CHODL: variants seen among roughly 807,000 people sequenced by gnomAD.
The protein encoded by CHODL is chondrolectin.
A neutral mutation model predicts 34.5 loss-of-function variants in CHODL; 29 were observed. That is an observed-to-expected ratio of 0.84 (90% confidence interval 0.63 to 1.15). CHODL has a LOEUF of 1.15. Among genes scored for constraint, CHODL ranks in the 50% most tolerant of loss-of-function variants. The pLI is 0.00. For synonymous variants in CHODL, 125 were observed against 116.1 expected, an observed-to-expected ratio of 1.08 and a Z score of -0.49; for missense variants, 332 against 332.5, an observed-to-expected ratio of 1.00 and a Z score of 0.01.
chr21:18,212,641 A>G (rs954746003), intron 2 of CHODL, among the ~76,000 whole-genome samples: 12 of 152,112 alleles, frequency 7.9e-5, no homozygotes, highest in Admixed American at 6.5e-5. Context: ...TTAAAAAGTA[A>G]ATTATAAAAA....
In CHODL at chr21:17,991,943, T is replaced by C. The variant is rs147926524; in HGVS notation, c.-144-35929T>C. On this transcript the variant is annotated intron_variant, in intron 1 of 6. Coordinates refer to the CHODL transcript ENST00000400127. ...TTTCCCCTATGTTTTCTTTTAGTAG[T>C]TTTATAGTTTCAGATCTTACATTTA... Among the ~76,000 whole-genome samples the C allele has an allele frequency of 3.8e-3, 585 of 152,266 alleles. 8 individuals carry two copies. Among genetic ancestry groups the C allele is most frequent in the African/African-American group, 0.014 (563 of 41,550 alleles).
At chr21:18,048,939 A>C (rs1410423994) in intron 2 of CHODL, among the ~76,000 whole-genome samples, 3 of 151,962 alleles carry the variant, frequency 2.0e-5, no homozygotes, top group Non-Finnish European at 4.4e-5. Flanking sequence ...TAAAAAAAAT[A>C]GAATTTTGGT....
chr21:17,919,784 T>G (rs9983882), intron 1 of CHODL, among the ~76,000 whole-genome samples: 8,970 of 152,290 alleles, frequency 0.059, 693 homozygotes, highest in African/African-American at 0.18. Flanking sequence ...ACTTTTATGC[T>G]GTTTCCCTTA....
intron 2 of CHODL, among the ~76,000 whole-genome samples, chr21:18,120,464 T>C (rs1169128329): frequency 6.6e-6 from 1 of 152,192 alleles, no homozygotes; most frequent in Admixed American, 6.5e-5. Context: ...ACCTCAGGCC[T>C]GTGAGCTGAA....
intron 1 of CHODL, among the ~76,000 whole-genome samples, chr21:18,250,897 G>A (rs1274336069): frequency 6.6e-6 from 1 of 151,352 alleles, no homozygotes; most frequent in African/African-American, 2.4e-5. Flanking sequence ...TGAACAGCAG[G>A]AATTTGTAAT....
At chr21:17,917,876 C>CATGTGTGTGT (rs1568796830) in intron 1 of CHODL, among the ~76,000 whole-genome samples, 1 of 150,706 alleles carries the variant, frequency 6.6e-6, no homozygotes, top group South Asian at 2.1e-4. Context: ...CTCTGATATG[C>CATGTGTGTGT]GTGTGTGTGT....
chr21:17,975,485 A>G (rs985830380), intron 1 of CHODL, among the ~76,000 whole-genome samples: 4 of 152,218 alleles, frequency 2.6e-5, no homozygotes, highest in African/African-American at 9.6e-5. Context: ...AAAATGTTTT[A>G]TAAAGCCTTG....
chr21:18,224,437 A>G (rs58978235), intron 2 of CHODL, among the ~76,000 whole-genome samples: 22,717 of 152,188 alleles, frequency 0.15, 2,119 homozygotes, highest in African/African-American at 0.26. Context: ...TATCATGTAA[A>G]GTGCTTAAAA....
At chr21:17,986,846 T>A (rs2063757437) in intron 1 of CHODL, among the ~76,000 whole-genome samples, 1 of 152,168 alleles carries the variant, frequency 6.6e-6, no homozygotes, top group Non-Finnish European at 1.5e-5. Flanking sequence ...CCATCTAGAT[T>A]GCTATGTAAG....
intron 2 of CHODL, among the ~76,000 whole-genome samples, chr21:18,060,449 C>CAAATAAATAAATAAAT (rs58886259): frequency 5.2e-4 from 77 of 149,144 alleles, no homozygotes; most frequent in African/African-American, 1.7e-3. Context: ...GACTCTGTCT[C>CAAATAAATAAATAAAT]AAATAAATAA....
intron 2 of CHODL, among the ~76,000 whole-genome samples, chr21:18,175,677 A>G (rs907897529): frequency 2.6e-5 from 4 of 152,220 alleles, no homozygotes; most frequent in African/African-American, 9.6e-5. Context: ...GTAACCAATA[A>G]ATGGAATACA....
chr21:18,133,953 T>A (rs780343004), intron 2 of CHODL, among the ~76,000 whole-genome samples: 1 of 152,216 alleles, frequency 6.6e-6, no homozygotes, highest in Non-Finnish European at 1.5e-5. Flanking sequence ...AGTTCCTGAA[T>A]ATATCTGTGT....
At chr21:18,032,923 C>T (rs185684124) in intron 2 of CHODL, among the ~76,000 whole-genome samples, 1 of 152,086 alleles carries the variant, frequency 6.6e-6, no homozygotes, top group Non-Finnish European at 1.5e-5. Flanking sequence ...TGTTAGTTTC[C>T]TTTTTAGTAT....
At chr21:17,991,569 T>C (rs2063797215) in intron 1 of CHODL, among the ~76,000 whole-genome samples, 1 of 152,112 alleles carries the variant, frequency 6.6e-6, no homozygotes, top group African/African-American at 2.4e-5. Flanking sequence ...ATTTTGAGCA[T>C]TTTTTAATAT....
At position 17,955,183 on chromosome 21, in the gene CHODL, C is replaced by T. The variant is rs561595749; in HGVS notation, c.-145+37783C>T. On this transcript the variant is annotated intron_variant, in intron 1 of 6. Transcript: ENST00000400127. ...GTTGACCAACTGAATAAAAATTCAG[C>T]CACCTTAAAAATGATAATTTCTTTT... Among the ~76,000 whole-genome samples the T allele has an allele frequency of 9.5e-5, 13 of 136,348 alleles. 1 individual carries two copies. The highest frequency in any genetic ancestry group is 2.5e-4 in the African/African-American group (10 of 40,050). The allele number at this position is 136,348 out of a possible 152,430, so 89.4% of individuals were successfully genotyped here. A position where few individuals can be genotyped will look rare whatever the true frequency, so the allele number is the denominator to read the frequency against.
chr21:18,113,517 T>C (rs2065376633), intron 2 of CHODL, among the ~76,000 whole-genome samples: 2 of 152,052 alleles, frequency 1.3e-5, no homozygotes, highest in South Asian at 2.1e-4. Flanking sequence ...CTTACAATCA[T>C]GGCAAAAGGT....
intron 2 of CHODL, among the ~76,000 whole-genome samples, chr21:18,199,597 C>A (rs1324574613): frequency 6.6e-6 from 1 of 152,022 alleles, no homozygotes; most frequent in Non-Finnish European, 1.5e-5. Flanking sequence ...AAAAAATCCC[C>A]TTTGTTCCAC....
intron 1 of CHODL, among the ~76,000 whole-genome samples, chr21:17,994,174 A>T (rs1425512411): frequency 6.6e-6 from 1 of 151,718 alleles, no homozygotes; most frequent in South Asian, 2.1e-4. Context: ...TTGTTTATCT[A>T]GTTCCTTGAG....
chr21:18,128,217 T>C (rs1291634587), intron 2 of CHODL, among the ~76,000 whole-genome samples: 10 of 141,844 alleles, frequency 7.1e-5, no homozygotes, highest in Middle Eastern at 3.4e-3. Context: ...AGGAGAATGG[T>C]GTGAACCTGG....
Sources: gnomAD v4.1 joint callset for allele counts (sites outside exome capture counted in the v4.1 genomes callset) on GRCh38, gnomAD v4.1.1 for gene constraint, MANE v1.5 for transcripts, NCBI Gene and HGNC (gene_info 2026-07-23, HGNC 2026-07-21) for gene names.